NLRP13: variants seen among roughly 807,000 people sequenced by gnomAD.
NLRP13 encodes the protein NACHT, LRR and PYD domains-containing protein 13.
NLRP13 carries 82 observed loss-of-function variants against 94.4 expected under a neutral mutation model. The ratio of observed to expected loss-of-function variants is 0.87; its 90% confidence interval spans 0.73 to 1.04. The LOEUF is 1.04. NLRP13 is among the 50% of genes least tolerant of loss of function. NLRP13 has a pLI of 0.00. For synonymous variants in NLRP13, 553 were observed against 464.7 expected (o/e 1.19, Z -2.45); for missense variants, 1,426 against 1,230.8 (o/e 1.16, Z -2.37).
intron 7 of NLRP13, among the ~76,000 whole-genome samples, chr19:55,905,443 GTA>G (rs1217753593): frequency 1.3e-5 from 2 of 148,854 alleles, no homozygotes; most frequent in Admixed American, 6.8e-5. Flanking sequence ...ACATATATAT[GTA>G]TATATATACA....
intron 4 of NLRP13, among the ~76,000 whole-genome samples, chr19:55,919,418 GA>G (rs1986755811): frequency 6.6e-6 from 1 of 151,976 alleles, no homozygotes; most frequent in South Asian, 2.1e-4. Flanking sequence ...AAATTGTAAA[GA>G]AGAAGCCAAA....
At chr19:55,901,754 C>T (rs762327027) in intron 9 of NLRP13, among the ~76,000 whole-genome samples, 1 of 152,144 alleles carries the variant, frequency 6.6e-6, no homozygotes, top group African/African-American at 2.4e-5. Context: ...TGTGTCCTTT[C>T]ACCCTGATGA....
At chr19:55,907,660 A>C in intron 7 of NLRP13, 132 bp downstream of exon 7, 2 of 840,114 alleles carry the variant, frequency 2.4e-6, no homozygotes, top group Non-Finnish European at 3.9e-6. Flanking sequence ...ACATAGGAAC[A>C]TTCTCCTTTG....
At chr19:55,922,547 T>G (rs1478967650) in intron 4 of NLRP13, among the ~76,000 whole-genome samples, 2 of 152,124 alleles carry the variant, frequency 1.3e-5, no homozygotes, top group African/African-American at 4.8e-5. Context: ...AGGATGGTCT[T>G]GATCTCTTGA....
At position 55,901,991 on chromosome 19, in the gene NLRP13, GCT is replaced by G. The variant is rs1447080654; in HGVS notation, c.2789+42_2789+43del. 3.7e-6 allele frequency: 6 copies of G among 1,601,002 alleles called. No homozygotes were observed. The South Asian group carries it at 6.7e-5, about 18-fold the overall frequency. The stretch of plus-strand genomic sequence containing the variant: ...AGGCATTGGTGGGTCAATTCCCATG[GCT>G]CTCCTCCATCTGCCAACTCAGAGGG... On this transcript the variant is annotated intron_variant, in intron 9 of 10. Coordinates refer to ENST00000342929, the MANE Select transcript of NLRP13 (RefSeq NM_176810.2).
intron 6 of NLRP13, among the ~76,000 whole-genome samples, chr19:55,908,594 A>G (rs1372631679): frequency 8.6e-5 from 1 of 11,576 alleles, no homozygotes; most frequent in Non-Finnish European, 1.5e-4. Context: ...TGCAGCCATA[A>G]AAAAAGAATG....
At chr19:55,908,029 A>T (rs1034222675) in intron 6 of NLRP13, 73 bp from the exon 7 acceptor site, 5 of 1,396,412 alleles carry the variant, frequency 3.6e-6, no homozygotes, top group Non-Finnish European at 4.9e-6. Flanking sequence ...CTGCCTCCTC[A>T]CCCTGCCTTC....
intron 8 of NLRP13, 76 bp downstream of exon 8, chr19:55,904,866 T>A (rs1224998386): frequency 5.8e-6 from 7 of 1,214,432 alleles, no homozygotes; most frequent in Non-Finnish European, 8.0e-6. Context: ...TAAATAGATA[T>A]CAAATGAAGA....
rs16986783 is a variant in NLRP13, at chr19:55,907,959, G to C, written c.2283-3C>G. ...ACTCAGGAGTTACCGATTTGCACCTGAGGAAGGGAAGGGACATGAAAGCTG... is the reference window on the plus strand; with the variant it reads ...ACTCAGGAGTTACCGATTTGCACCTCAGGAAGGGAAGGGACATGAAAGCTG... On this transcript the variant is annotated splice_polypyrimidine_tract_variant and splice_region_variant and intron_variant, in intron 6 of 10. Coordinates refer to ENST00000342929, the MANE Select transcript of NLRP13 (RefSeq NM_176810.2). 2 of 1,591,674 alleles carry C rather than the reference G, an allele frequency of 1.3e-6. No homozygotes were observed. The highest frequency in any genetic ancestry group is 1.7e-6 in the Non-Finnish European group (2 of 1,165,836).
At chr19:55,908,586 C>T (rs1216254942) in intron 6 of NLRP13, among the ~76,000 whole-genome samples, 1 of 69,696 alleles carries the variant, frequency 1.4e-5, no homozygotes, top group Admixed American at 1.5e-4. Context: ...GAATACTATG[C>T]AGCCATAAAA....
At chr19:55,930,686 C>CAAAAA (rs9304769) in intron 1 of NLRP13, among the ~76,000 whole-genome samples, 13 of 94,206 alleles carry the variant, frequency 1.4e-4, no homozygotes, top group African/African-American at 4.7e-4. Context: ...AACTCCATCT[C>CAAAAA]AAAAAAAAAA....
In NLRP13 at chr19:55,912,007, A is replaced by G. The variant is rs1266630085; in HGVS notation, c.1810T>C (p.Leu604=). 3 of 1,614,094 alleles carry G rather than the reference A, an allele frequency of 1.9e-6. No individual in the cohort carries two copies. Among genetic ancestry groups the G allele is most frequent in the Admixed American group, 1.7e-5 (1 of 60,004 alleles). The change falls in exon 5 of 11, where the codon TTG becomes CTG. Residue 604 remains leucine (L), a synonymous_variant. Coordinates refer to ENST00000342929, the MANE Select transcript of NLRP13 (RefSeq NM_176810.2). ...ACCCTGGGAGATATTTTACAATGCA[A>G]AGTATCTTCCAGTTCTCTTGCTATG... ...KNIARELEDT[L]HCKISPRVME...
intron 4 of NLRP13, among the ~76,000 whole-genome samples, chr19:55,922,823 CAAG>C (rs1444655241): frequency 6.6e-6 from 1 of 152,158 alleles, no homozygotes; most frequent in East Asian, 1.9e-4. Flanking sequence ...AACACCATGA[CAAG>C]AAGTCAGTAG....
Position 55,915,493 on chromosome 19 carries a change from G to A in NLRP13, c.524-2200C>T, listed in dbSNP as rs573591504. On this transcript the variant is annotated intron_variant, in intron 4 of 10. Coordinates refer to ENST00000342929, the MANE Select transcript of NLRP13 (RefSeq NM_176810.2). ...CGCGCCTGTAATCCCAGCTACTCGG[G>A]AGGCTGAGGCAGGAGAATCACTTGA... 2.4e-3 allele frequency among the ~76,000 whole-genome samples: 368 copies of A among 152,252 alleles called. 2 individuals carry two copies. The highest frequency in any genetic ancestry group is 0.014 in the Middle Eastern group (4 of 294).
In NLRP13 at chr19:55,899,442, G is replaced by T. The variant is rs533398525; in HGVS notation, c.2790-505C>A. Among the ~76,000 whole-genome samples, 48 of 152,208 alleles carry T rather than the reference G, an allele frequency of 3.2e-4. 1 individual carries two copies. In the Middle Eastern group the frequency reaches 0.01, roughly 32 times the overall value. On this transcript the variant is annotated intron_variant, in intron 9 of 10. Transcript: ENST00000342929. ...GGAGAGGAAAGACAAGGAAGCGACA[G>T]GAGGAGAAAGAGTCATCCAAAATCC...
At chr19:55,902,885 AATAT>A (rs74179648) in intron 8 of NLRP13, among the ~76,000 whole-genome samples, 24,092 of 149,592 alleles carry the variant, frequency 0.16, 2,054 homozygotes, top group African/African-American at 0.19. Context: ...TATATAATGA[AATAT>A]ATGTTACAAT....
intron 4 of NLRP13, among the ~76,000 whole-genome samples, chr19:55,915,908 C>T (rs1986663512): frequency 6.6e-6 from 1 of 152,192 alleles, no homozygotes; most frequent in Admixed American, 6.5e-5. Flanking sequence ...ACTGCTGCAG[C>T]TGGCTCTAAC....
intron 1 of NLRP13, among the ~76,000 whole-genome samples, chr19:55,931,718 A>AGAAAGAAAGACAGAAAGAAAGAAAGAAAG: frequency 1.0e-5 from 1 of 96,032 alleles, no homozygotes. Flanking sequence ...TCAAAAAAAA[A>AGAAAGAAAGACAGAAAGAAAGAAAGAAAG]AAAAAAAGAA....
intron 4 of NLRP13, among the ~76,000 whole-genome samples, chr19:55,922,691 G>T (rs1378224104): frequency 6.6e-6 from 1 of 152,158 alleles, no homozygotes; most frequent in South Asian, 2.1e-4. Context: ...AACTACTGTA[G>T]CATACAACCT....
Sources: gnomAD v4.1 joint callset for allele counts (sites outside exome capture counted in the v4.1 genomes callset) on GRCh38, gnomAD v4.1.1 for gene constraint, MANE v1.5 for transcripts, NCBI Gene and HGNC (gene_info 2026-07-23, HGNC 2026-07-21) for gene names.